TBC1D32: variants seen among roughly 807,000 people sequenced by gnomAD.
TBC1D32 encodes TBC1 domain family member 32.
In TBC1D32, 151 loss-of-function variants were observed where a neutral mutation model predicts 170.3. The ratio of observed to expected loss-of-function variants is 0.89; its 90% CI spans 0.78 to 1.01. The LOEUF (loss-of-function observed/expected upper bound fraction) is 1.01. Ranked by LOEUF, TBC1D32 falls within the 50% of genes least tolerant of loss-of-function variation. The pLI, the probability that TBC1D32 is intolerant of heterozygous loss-of-function variation, is 0.00. For missense variants in TBC1D32, 1,464 were observed against 1,457.1 expected, an observed-to-expected ratio of 1.00 and a Z score of -0.08; for synonymous variants, 498 against 488.0, an observed-to-expected ratio of 1.02 and a Z score of -0.27.
At chr6:121,090,530 T>C (rs1184688365) in intron 31 of TBC1D32, among the ~76,000 whole-genome samples, 2 of 152,136 alleles carry the variant, frequency 1.3e-5, no homozygotes, top group African/African-American at 4.8e-5. Flanking sequence ...TTAAAAAGTA[T>C]CAAACCAATA....
At chr6:121,248,042 T>C (rs1478355190) in intron 17 of TBC1D32, among the ~76,000 whole-genome samples, 1 of 151,992 alleles carries the variant, frequency 6.6e-6, no homozygotes, top group East Asian at 1.9e-4. Flanking sequence ...ATATGGAACA[T>C]TCCCCAAGAT....
chr6:121,300,556 T>G (rs1295615859), intron 9 of TBC1D32, among the ~76,000 whole-genome samples: 3 of 152,112 alleles, frequency 2.0e-5, no homozygotes, highest in Non-Finnish European at 2.9e-5. Flanking sequence ...GATTAAAGAC[T>G]TAAACATAAG....
rs1295611596 is a variant in TBC1D32 at position 121,299,478 on chromosome 6, A to G, written c.1108T>C (p.Leu370=). 6.6e-7 allele frequency: 1 copy of G among 1,512,872 alleles called. No homozygotes were observed. Among genetic ancestry groups the G allele is most frequent in the East Asian group, 2.3e-5 (1 of 42,558 alleles). The allele number at this position is 1,512,872 out of a possible 1,614,324, so 93.7% of individuals were successfully genotyped here. Residue 370 remains leucine, a synonymous_variant, in exon 10 of 32, where the codon TTA becomes CTA. Transcript: ENST00000398212. The part of the protein sequence containing the change: ...MHAHYSRTTV[L]RLLETKYKSL... ...TTATATTTCGTTTCAAGAAGTCTTA[A>G]TACTGTAGTTCTGCTATAATGTGCA... is the stretch of plus-strand genomic sequence containing the variant.
chr6:121,225,080 T>C (rs577060168), intron 20 of TBC1D32, among the ~76,000 whole-genome samples: 4 of 151,746 alleles, frequency 2.6e-5, no homozygotes, highest in Admixed American at 6.6e-5. Flanking sequence ...AAGAAAAAAA[T>C]TGCCAAGGAA....
intron 10 of TBC1D32, among the ~76,000 whole-genome samples, chr6:121,298,785 T>G (rs1806030235): frequency 6.6e-6 from 1 of 152,130 alleles, no homozygotes; most frequent in Non-Finnish European, 1.5e-5. Context: ...TTTCTTCACC[T>G]GACTTCCAAA....
chr6:121,309,114 A>C (rs1275746424), intron 4 of TBC1D32, among the ~76,000 whole-genome samples: 1 of 152,210 alleles, frequency 6.6e-6, no homozygotes, highest in Non-Finnish European at 1.5e-5. Flanking sequence ...AACTGTCTAT[A>C]TATTCATATG....
intron 26 of TBC1D32, among the ~76,000 whole-genome samples, chr6:121,119,932 AC>A (rs1360478905): frequency 3.3e-5 from 5 of 152,142 alleles, no homozygotes; most frequent in Admixed American, 2.0e-4. Context: ...ACCTAAAAAA[AC>A]ATTGAATACA....
intron 22 of TBC1D32, among the ~76,000 whole-genome samples, chr6:121,200,600 G>T (rs1457149915): frequency 6.6e-6 from 1 of 151,546 alleles, no homozygotes; most frequent in Non-Finnish European, 1.5e-5. Flanking sequence ...TGGCAATGTG[G>T]TAGACACGAA....
intron 5 of TBC1D32, 116 bp from the exon 6 acceptor site, chr6:121,304,949 A>T: frequency 1.4e-6 from 1 of 693,656 alleles, no homozygotes; most frequent in Non-Finnish European, 2.4e-6. Context: ...TAAACCATTC[A>T]GAAACTAGAG....
chr6:121,210,919 A>G (rs1276791281), intron 21 of TBC1D32, among the ~76,000 whole-genome samples: 1 of 152,198 alleles, frequency 6.6e-6, no homozygotes, highest in Non-Finnish European at 1.5e-5. Context: ...TCTGACCTAC[A>G]AAACTGTGAG....
intron 15 of TBC1D32, among the ~76,000 whole-genome samples, chr6:121,258,703 T>C (rs948865984): frequency 1.3e-5 from 2 of 152,164 alleles, no homozygotes; most frequent in African/African-American, 4.8e-5. Flanking sequence ...ATTAACATTC[T>C]TCTGTTCCTT....
At chr6:121,145,801 T>C (rs1315782917) in intron 24 of TBC1D32, among the ~76,000 whole-genome samples, 1 of 152,144 alleles carries the variant, frequency 6.6e-6, no homozygotes, top group African/African-American at 2.4e-5. Context: ...CTGGTGATAA[T>C]ATAGAAGTCC....
intron 22 of TBC1D32, among the ~76,000 whole-genome samples, chr6:121,192,053 A>ATATATATATATATATATATATATATATAT (rs1158179800): frequency 3.4e-5 from 2 of 59,664 alleles, no homozygotes; most frequent in Admixed American, 2.9e-4. Flanking sequence ...GTTAATACTT[A>ATATATATATATATATATATATATATATAT]ATAAACTACC....
Position 121,267,571 on chromosome 6 carries a change from G to A in TBC1D32, c.1734-11286C>T, listed in dbSNP as rs376429209. ...CAAGGTGACAGCAAGGCTGGGGGAG[G>A]GGCATCTGCCATTGCTGAGGCTTCA... On this transcript the variant is annotated intron_variant, in intron 15 of 31. Transcript: ENST00000398212. 5.9e-5 allele frequency among the ~76,000 whole-genome samples: 9 copies of A among 152,156 alleles called. No individual in the cohort carries two copies. The East Asian group carries it at 7.7e-4, about 13-fold the overall frequency.
Position 121,079,684 on chromosome 6 carries a change from T to C in TBC1D32, c.*1087A>G, listed in dbSNP as rs1233014769. Reference sequence around the variant, plus strand: ...ATAAAAAATAGACATTCACATATTGTATTAATCTTACCGGTGCAGAGACAT... The same window carrying C: ...ATAAAAAATAGACATTCACATATTGCATTAATCTTACCGGTGCAGAGACAT... On this transcript the variant is annotated 3_prime_UTR_variant, in exon 32 of 32. Transcript: ENST00000398212. 6.6e-6 allele frequency: 1 copy of C among 152,178 alleles called. No homozygotes were observed. The highest frequency in any genetic ancestry group is 2.4e-5 in the African/African-American group (1 of 41,472). The allele number at this position is 152,178 out of a possible 1,614,324, so 9.4% of individuals were successfully genotyped here.
At chr6:121,162,737 G>GCC (rs1330030628) in intron 22 of TBC1D32, among the ~76,000 whole-genome samples, 1 of 151,434 alleles carries the variant, frequency 6.6e-6, no homozygotes, top group Non-Finnish European at 1.5e-5. Flanking sequence ...GGCCGAATAG[G>GCC]AACAGCTCCA....
intron 22 of TBC1D32, among the ~76,000 whole-genome samples, chr6:121,177,276 GA>G (rs1180799299): frequency 6.6e-6 from 1 of 152,098 alleles, no homozygotes; most frequent in African/African-American, 2.4e-5. Flanking sequence ...TCATGATAGT[GA>G]GCGAGTTTCT....
chr6:121,332,125 C>T (rs1811299330), intron 1 of TBC1D32, among the ~76,000 whole-genome samples: 1 of 151,608 alleles, frequency 6.6e-6, no homozygotes, highest in South Asian at 2.1e-4. Context: ...CATTAGACTT[C>T]GGAGAGGAAC....
chr6:121,333,714 T>C (rs888047462), intron 1 of TBC1D32, among the ~76,000 whole-genome samples: 7 of 152,238 alleles, frequency 4.6e-5, no homozygotes, highest in African/African-American at 1.7e-4. Context: ...ATTACTGTGC[T>C]GCCCGGGTGA....
Sources: gnomAD v4.1 joint callset for allele counts (sites outside exome capture counted in the v4.1 genomes callset) on GRCh38, gnomAD v4.1.1 for gene constraint, MANE v1.5 for transcripts, NCBI Gene and HGNC (gene_info 2026-07-23, HGNC 2026-07-21) for gene names.